The following PTPRA variants were observed in gnomAD, a reference collection of about 807,000 sequenced individuals.
PTPRA encodes the protein protein tyrosine phosphatase receptor type A, also known as receptor-type tyrosine-protein phosphatase alpha.
PTPRA carries 25 observed loss-of-function variants against 104.8 expected under a neutral mutation model. That is an observed-to-expected ratio of 0.24 (90% CI 0.17 to 0.33). PTPRA has a LOEUF of 0.33. PTPRA is among the 10% of genes least tolerant of loss of function. PTPRA has a pLI of 1.00. For missense variants in PTPRA, 765 were observed against 1,015.3 expected (o/e 0.75, Z 3.35); for synonymous variants, 323 against 368.9 (o/e 0.88, Z 1.43).
the PTPRA span, chr20:2,866,877 T>C: frequency 2.7e-6 from 1 of 369,332 alleles, no homozygotes; most frequent in Non-Finnish European, 4.9e-6. Context: ...AAACGTGTCC[T>C]CTCCACAGTT....
At chr20:2,865,267 C>T in the PTPRA span, 2 of 1,614,054 alleles carry the variant, frequency 1.2e-6, no homozygotes, top group East Asian at 4.5e-5. The surrounding 1 kb of genome is among the most constrained non-coding windows in gnomAD (Gnocchi z 5.2). Flanking sequence ...TTGGCGGTCA[C>T]AACAAGCGTG....
At chr20:2,890,645 G>A (rs1428841261) in intron 1 of PTPRA, among the ~76,000 whole-genome samples, 1 of 152,120 alleles carries the variant, frequency 6.6e-6, no homozygotes, top group East Asian at 1.9e-4. Flanking sequence ...GTGTGTAAAG[G>A]ATGGGAGAGG....
intron 20 of PTPRA, among the ~76,000 whole-genome samples, chr20:3,033,340 C>T (rs967804681): frequency 1.3e-5 from 2 of 151,916 alleles, no homozygotes; most frequent in Non-Finnish European, 2.9e-5. Flanking sequence ...TTCCTCCCCT[C>T]TCCTCACCCC....
At chr20:2,954,251 G>A (rs1168625809) in intron 3 of PTPRA, among the ~76,000 whole-genome samples, 2 of 151,214 alleles carry the variant, frequency 1.3e-5, no homozygotes, top group Admixed American at 6.6e-5. Context: ...CTAATTTTTT[G>A]TATTTTTAGT....
At chr20:2,955,980 A>G (rs2061522673) in intron 3 of PTPRA, among the ~76,000 whole-genome samples, 1 of 152,212 alleles carries the variant, frequency 6.6e-6, no homozygotes, top group African/African-American at 2.4e-5. Context: ...CACATTCCCC[A>G]AAACTGGTCA....
At chr20:2,907,856 G>A (rs1018735556) in intron 1 of PTPRA, among the ~76,000 whole-genome samples, 13 of 151,004 alleles carry the variant, frequency 8.6e-5, no homozygotes, top group African/African-American at 2.9e-4. Context: ...TAATATTTTC[G>A]ACTTTTAGAG....
chr20:3,020,306 G>A (rs568361652), intron 13 of PTPRA, among the ~76,000 whole-genome samples: 13 of 152,026 alleles, frequency 8.6e-5, no homozygotes, highest in Non-Finnish European at 1.2e-4. Flanking sequence ...CACTGTGTTA[G>A]GCAGGATGGT....
At chr20:2,947,115 T>G (rs928777130) in intron 2 of PTPRA, among the ~76,000 whole-genome samples, 1 of 152,160 alleles carries the variant, frequency 6.6e-6, no homozygotes, top group Non-Finnish European at 1.5e-5. Context: ...TTGAAGGAAC[T>G]TGGACTGTCA....
intron 9 of PTPRA, among the ~76,000 whole-genome samples, chr20:2,991,346 CAA>C (rs2063166884): frequency 6.9e-6 from 1 of 144,658 alleles, no homozygotes; most frequent in African/African-American, 2.6e-5. Context: ...GCCTGGGCGA[CAA>C]GAGTGAAACT....
chr20:2,951,732 A>T (rs2061360221), intron 3 of PTPRA, among the ~76,000 whole-genome samples: 1 of 152,120 alleles, frequency 6.6e-6, no homozygotes, highest in Non-Finnish European at 1.5e-5. Context: ...GTGCTTCCTC[A>T]TGTGGCCCCT....
At chr20:2,914,740 G>A (rs906383281) in intron 1 of PTPRA, among the ~76,000 whole-genome samples, 1 of 152,068 alleles carries the variant, frequency 6.6e-6, no homozygotes, top group Non-Finnish European at 1.5e-5. Context: ...AAAAAAGTAC[G>A]GTTGATGCTC....
chr20:3,007,806 G>GTA (rs2063943588), intron 11 of PTPRA, among the ~76,000 whole-genome samples: 3 of 133,300 alleles, frequency 2.3e-5, no homozygotes, highest in Non-Finnish European at 4.6e-5. Context: ...GTGTGTGTAT[G>GTA]TATATATGTG....
chr20:2,943,782 GATT>G (rs2061018194), intron 2 of PTPRA, among the ~76,000 whole-genome samples: 2 of 152,244 alleles, frequency 1.3e-5, no homozygotes, highest in Non-Finnish European at 2.9e-5. Flanking sequence ...AGAGGATGCA[GATT>G]ATTTGGTTGA....
chr20:2,868,332 C>CTTTTTTTTTTTT, the PTPRA span, among the ~76,000 whole-genome samples: 1 of 64,608 alleles, frequency 1.5e-5, no homozygotes, highest in Admixed American at 2.2e-4. Flanking sequence ...TTTTTTTTTG[C>CTTTTTTTTTTTT]GTGGTAGAGA....
chr20:2,996,780 T>C (rs894149546), intron 9 of PTPRA, among the ~76,000 whole-genome samples: 9 of 152,170 alleles, frequency 5.9e-5, no homozygotes, highest in Non-Finnish European at 1.2e-4. Flanking sequence ...TTTGGACCTA[T>C]CAGATTTGAA....
chr20:3,019,259 C>T (rs2064694321), intron 13 of PTPRA, among the ~76,000 whole-genome samples: 1 of 151,204 alleles, frequency 6.6e-6, no homozygotes, highest in African/African-American at 2.4e-5. Context: ...GGGCTGACCC[C>T]CCCACCTCCC....
chr20:3,011,571 C>T (rs1054125893), intron 11 of PTPRA, among the ~76,000 whole-genome samples: 4 of 152,092 alleles, frequency 2.6e-5, no homozygotes, highest in African/African-American at 9.7e-5. Context: ...GCAGAAACTT[C>T]AAAGCAAAGG....
chr20:3,024,349 C>G, intron 16 of PTPRA, 123 bp from the exon 17 acceptor site: 2 of 1,035,980 alleles, frequency 1.9e-6, no homozygotes, highest in Non-Finnish European at 2.8e-6. Context: ...AAGAGGGAGT[C>G]CTTTTATTCC....
chr20:2,942,073 T>C (rs1470154389), intron 2 of PTPRA, among the ~76,000 whole-genome samples: 1 of 152,230 alleles, frequency 6.6e-6, no homozygotes, highest in Non-Finnish European at 1.5e-5. Flanking sequence ...GCCTAGCACA[T>C]AGTAAATACT....
Sources: gnomAD v4.1 joint callset for allele counts (sites outside exome capture counted in the v4.1 genomes callset) on GRCh38, gnomAD v4.1.1 for gene constraint, Gnocchi (gnomAD v3.1) non-coding constraint, MANE v1.5 for transcripts, NCBI Gene and HGNC (gene_info 2026-07-23, HGNC 2026-07-21) for gene names.